The following DCAF8L2 variants were observed in gnomAD, a reference collection of about 807,000 sequenced individuals.
DCAF8L2 encodes DDB1- and CUL4-associated factor 8-like protein 2.
For missense variants in DCAF8L2, 430 were observed against 490.7 expected, an observed-to-expected ratio of 0.88 and a Z score of 1.17; for synonymous variants, 200 against 190.9, an observed-to-expected ratio of 1.05 and a Z score of -0.39.
At chrX:27,548,271 G>A in the DCAF8L2 span, among the ~76,000 whole-genome samples, 1 of 110,652 alleles carries the variant, frequency 9.0e-6, no homozygotes, top group East Asian at 2.9e-4. Context: ...AAATATTCAG[G>A]GTCTACCAAT....
chrX:27,710,132 T>C (rs1931476594), intron 3 of DCAF8L2, among the ~76,000 whole-genome samples: 3 of 111,617 alleles, frequency 2.7e-5, no homozygotes, highest in African/African-American at 9.8e-5. Flanking sequence ...TTTCTGTACA[T>C]TGTACTGTTT....
chrX:27,562,142 C>T, the DCAF8L2 span, among the ~76,000 whole-genome samples: 1 of 112,325 alleles, frequency 8.9e-6, no homozygotes, highest in Non-Finnish European at 1.9e-5. Flanking sequence ...TTGATTTGCA[C>T]TTCCCTAATG....
intron 2 of DCAF8L2, among the ~76,000 whole-genome samples, chrX:27,648,883 T>G (rs1929045508): frequency 8.9e-6 from 1 of 111,876 alleles, no homozygotes; most frequent in Admixed American, 9.5e-5. Flanking sequence ...GAAGATAAAA[T>G]GAAAGTTATA....
At chrX:27,494,925 G>T in the DCAF8L2 span, among the ~76,000 whole-genome samples, 2 of 110,542 alleles carry the variant, frequency 1.8e-5, no homozygotes, top group East Asian at 5.6e-4. Context: ...TTTTAATTTT[G>T]GAATTCTGAT....
the DCAF8L2 span, among the ~76,000 whole-genome samples, chrX:27,581,129 C>T: frequency 8.9e-6 from 1 of 111,841 alleles, no homozygotes; most frequent in African/African-American, 3.2e-5. Context: ...TGTTCAGTGA[C>T]CTTATACGGC....
the DCAF8L2 span, among the ~76,000 whole-genome samples, chrX:27,519,957 G>A: frequency 9.0e-6 from 1 of 111,495 alleles, no homozygotes; most frequent in South Asian, 3.7e-4. Flanking sequence ...TTAAAATATT[G>A]ATAAATTAGA....
the DCAF8L2 span, among the ~76,000 whole-genome samples, chrX:27,491,564 C>T: frequency 1.8e-5 from 2 of 112,304 alleles, no homozygotes; most frequent in Non-Finnish European, 1.9e-5. Flanking sequence ...TTTGCCTACT[C>T]TGCATTTCTG....
chrX:27,543,142 C>A, the DCAF8L2 span, among the ~76,000 whole-genome samples: 1 of 112,142 alleles, frequency 8.9e-6, no homozygotes, highest in South Asian at 3.7e-4. Context: ...ATCTTTAATT[C>A]ATCTTGAGTT....
chrX:27,681,026 A>T (rs1373008415), intron 3 of DCAF8L2, among the ~76,000 whole-genome samples: 3 of 111,630 alleles, frequency 2.7e-5, no homozygotes, highest in African/African-American at 9.8e-5. Context: ...TCTCTAGCCA[A>T]CGATTACTGA....
intron 2 of DCAF8L2, among the ~76,000 whole-genome samples, chrX:27,668,649 T>G (rs1929826688): frequency 8.9e-6 from 1 of 112,007 alleles, no homozygotes; most frequent in South Asian, 3.7e-4. Flanking sequence ...TCTGGTTTCC[T>G]CTACTCAGAA....
chrX:27,606,507 A>T (rs1199769932), intron 1 of DCAF8L2, among the ~76,000 whole-genome samples: 1 of 102,618 alleles, frequency 9.7e-6, no homozygotes, highest in African/African-American at 3.6e-5. Flanking sequence ...AGTAGCTGGG[A>T]TTACAGGTGC....
At chrX:27,488,414 G>C in the DCAF8L2 span, among the ~76,000 whole-genome samples, 1 of 111,046 alleles carries the variant, frequency 9.0e-6, no homozygotes, top group Non-Finnish European at 1.9e-5. Context: ...CATATGATTT[G>C]TAAATGCTGT....
chrX:27,624,496 G>GA lies in DCAF8L2; in HGVS notation c.-341-7373dup, dbSNP rs1344682882. On this transcript the variant is annotated intron_variant, in intron 1 of 4. Coordinates refer to ENST00000451261, the MANE Select transcript of DCAF8L2 (RefSeq NM_001353450.2). ...ACTAAGAACATTCCTCTCAGAATTA[G>GA]AAAAAAAAAACTATTCTAAAACTCA... 1.1e-3 allele frequency among the ~76,000 whole-genome samples: 111 copies of GA among 104,029 alleles called. No individual in the cohort carries two copies. The Middle Eastern group carries it at 0.02, about 18-fold the overall frequency. The allele number at this position is 104,029 out of a possible 115,157, so 90.3% of individuals were successfully genotyped here.
rs5926895 is a variant in DCAF8L2, at chrX:27,747,928, A to G, written c.1033A>G (p.Thr345Ala). 403,037 of 1,208,542 alleles carry G rather than the reference A, an allele frequency of 0.33. 48,649 individuals carry two copies. Among genetic ancestry groups the G allele is most frequent in the Middle Eastern group, 0.38 (1,635 of 4,348 alleles). The change falls in exon 5 of 5, where the codon ACC becomes GCC. Residue 345 changes from threonine to alanine, a missense_variant. Transcript: ENST00000451261. ...LTSGEDAVVF[T>A]IDLRQDRPAS... ...TTCAGGTGAAGATGCTGTTGTCTTC[A>G]CCATTGACCTCAGACAAGACCGGCC...
At chrX:27,492,824 T>G in the DCAF8L2 span, among the ~76,000 whole-genome samples, 4 of 112,498 alleles carry the variant, frequency 3.6e-5, no homozygotes, top group African/African-American at 1.3e-4. Context: ...TTTACCACAA[T>G]GGCTGTAACT....
chrX:27,582,831 T>A, the DCAF8L2 span, among the ~76,000 whole-genome samples: 6 of 111,091 alleles, frequency 5.4e-5, no homozygotes. Context: ...TTTAAAAAAA[T>A]TACATAACCA....
intron 4 of DCAF8L2, 99 bp downstream of exon 4, chrX:27,716,270 C>T (rs1211679460): frequency 9.0e-6 from 1 of 111,431 alleles, no homozygotes; most frequent in Non-Finnish European, 1.9e-5. Flanking sequence ...CCTCCAGTGC[C>T]TAAGTCATTA....
At chrX:27,622,341 C>T (rs1048185333) in intron 1 of DCAF8L2, among the ~76,000 whole-genome samples, 4 of 104,206 alleles carry the variant, frequency 3.8e-5, no homozygotes, top group Non-Finnish European at 7.7e-5. Context: ...AGGAGAATGG[C>T]GTGAACCCAG....
chrX:27,729,544 T>C (rs1188084896), intron 4 of DCAF8L2, among the ~76,000 whole-genome samples: 1 of 111,991 alleles, frequency 8.9e-6, no homozygotes, highest in Admixed American at 9.5e-5. Flanking sequence ...ACAACAGAAA[T>C]TTATTTCTCA....
Sources: allele counts gnomAD v4.1 joint callset (sites outside exome capture counted in the v4.1 genomes callset), GRCh38; gene constraint gnomAD v4.1.1; transcripts MANE v1.5; gene names NCBI Gene and HGNC (gene_info 2026-07-23, HGNC 2026-07-21).